The following SNAP25 variants were observed in gnomAD, a reference collection of about 807,000 sequenced individuals.
SNAP25 encodes synaptosome associated protein 25.
SNAP25 carries 3 observed loss-of-function variants against 28.7 expected under a neutral mutation model. The observed-to-expected ratio is 0.10, with a 90% CI of 0.05 to 0.27. The LOEUF (loss-of-function observed/expected upper bound fraction) is 0.27. SNAP25 is among the 10% of genes least tolerant of loss of function. The pLI is 1.00. For synonymous variants in SNAP25, 61 were observed against 88.1 expected (o/e 0.69, Z 1.72); for missense variants, 117 against 278.7 (o/e 0.42, Z 4.13).
At chr20:10,274,669 C>T (rs1255549735) in intron 1 of SNAP25, among the ~76,000 whole-genome samples, 3 of 151,998 alleles carry the variant, frequency 2.0e-5, no homozygotes, top group Non-Finnish European at 2.9e-5. Context: ...CAGTGAAACC[C>T]CGTCTCTACT....
chr20:10,298,378 A>G (rs2064160473), intron 6 of SNAP25, among the ~76,000 whole-genome samples: 1 of 152,228 alleles, frequency 6.6e-6, no homozygotes, highest in South Asian at 2.1e-4. Context: ...ATAATGAGCC[A>G]GTCTGCATTG....
chr20:10,265,405 G>T (rs901509969), intron 1 of SNAP25, among the ~76,000 whole-genome samples: 7 of 152,168 alleles, frequency 4.6e-5, no homozygotes, highest in East Asian at 1.9e-4. Context: ...AGAGGGAGAA[G>T]AATAATTTAT....
chr20:10,295,607 C>T (rs1600780860), intron 5 of SNAP25, among the ~76,000 whole-genome samples: 1 of 151,764 alleles, frequency 6.6e-6, no homozygotes, highest in African/African-American at 2.4e-5. Context: ...CCCCAGTCTG[C>T]AAGTATTAGA....
chr20:10,223,045 G>A (rs963089632), intron 1 of SNAP25, among the ~76,000 whole-genome samples: 19 of 152,116 alleles, frequency 1.2e-4, no homozygotes, highest in Admixed American at 5.9e-4. Flanking sequence ...GTGCACTGAC[G>A]GGAGGAATGA....
At position 10,228,521 on chromosome 20, in the gene SNAP25, A is replaced by G. The variant is rs147216582; in HGVS notation, c.-64+9544A>G. Reference sequence around the variant, plus strand: ...GGTGGTGTAAGTGACCAGAGAAACTATGTGTCCAAACAAGTTCATGGAGCA... The same window carrying G: ...GGTGGTGTAAGTGACCAGAGAAACTGTGTGTCCAAACAAGTTCATGGAGCA... On this transcript the variant is annotated intron_variant, in intron 1 of 7. Transcript: ENST00000254976. Among the ~76,000 whole-genome samples the G allele has an allele frequency of 5.9e-5, 9 of 152,318 alleles. No individual in the cohort carries two copies. The East Asian group carries it at 1.5e-3, about 26-fold the overall frequency.
chr20:10,291,554 C>A (rs1039794634), intron 4 of SNAP25, among the ~76,000 whole-genome samples: 2 of 152,174 alleles, frequency 1.3e-5, no homozygotes, highest in African/African-American at 4.8e-5. Flanking sequence ...GAACTGAATT[C>A]TGTTCTTTAG....
At chr20:10,255,599 G>C (rs1367684888) in intron 1 of SNAP25, among the ~76,000 whole-genome samples, 1 of 152,162 alleles carries the variant, frequency 6.6e-6, no homozygotes, top group Non-Finnish European at 1.5e-5. Flanking sequence ...AGTACAACTT[G>C]AGTACTAGAA....
At chr20:10,227,615 T>C (rs1417236595) in intron 1 of SNAP25, among the ~76,000 whole-genome samples, 2 of 152,142 alleles carry the variant, frequency 1.3e-5, no homozygotes, top group East Asian at 1.9e-4. Context: ...TATTCTAATC[T>C]GTTGTTTTAT....
Position 10,306,183 on chromosome 20 carries a change from C to T in SNAP25, c.607C>T (p.Leu203=), listed in dbSNP as rs767019302. 2 of 1,613,596 alleles carry T rather than the reference C, an allele frequency of 1.2e-6. No homozygotes were observed. The highest frequency in any genetic ancestry group is 3.3e-5 in the Admixed American group (2 of 59,900). Residue 203 remains leucine (L), a synonymous_variant, in exon 8 of 8, where the codon CTG becomes TTG. Transcript: ENST00000254976. ...DEANQRATKM[L]GSG ...GGCCAACCAACGTGCAACAAAGATG[C>T]TGGGAAGTGGTTAAGTGTGCCCACC...
intron 1 of SNAP25, among the ~76,000 whole-genome samples, chr20:10,227,953 C>T (rs918574436): frequency 3.9e-5 from 6 of 152,108 alleles, no homozygotes; most frequent in East Asian, 1.9e-4. Context: ...ATGTCAATTC[C>T]GCTTCCTTAA....
intron 3 of SNAP25, among the ~76,000 whole-genome samples, chr20:10,278,674 G>A (rs1352661669): frequency 6.6e-6 from 1 of 152,074 alleles, no homozygotes; most frequent in Non-Finnish European, 1.5e-5. Flanking sequence ...ATGATTAAAT[G>A]AGCCTACTCC....
intron 1 of SNAP25, among the ~76,000 whole-genome samples, chr20:10,260,190 G>T (rs1227569222): frequency 6.6e-6 from 1 of 152,106 alleles, no homozygotes; most frequent in African/African-American, 2.4e-5. Flanking sequence ...AATAGATGTA[G>T]TTAAAGTAGG....
chr20:10,272,582 T>A (rs879175114), intron 1 of SNAP25, among the ~76,000 whole-genome samples: 2 of 152,214 alleles, frequency 1.3e-5, no homozygotes, highest in Non-Finnish European at 2.9e-5. Flanking sequence ...TAGATCCTAA[T>A]TTGTAAAATG....
chr20:10,301,172 G>A (rs957811859), intron 7 of SNAP25, among the ~76,000 whole-genome samples: 2 of 152,134 alleles, frequency 1.3e-5, no homozygotes, highest in Non-Finnish European at 2.9e-5. Flanking sequence ...GTGGCATCTT[G>A]ATTCTGCCAC....
intron 1 of SNAP25, among the ~76,000 whole-genome samples, chr20:10,250,868 GTA>G (rs1555788446): frequency 2.0e-5 from 3 of 152,150 alleles, no homozygotes; most frequent in Non-Finnish European, 4.4e-5. Context: ...GTTACCCATA[GTA>G]TTCAGTACAG....
At chr20:10,264,481 G>T (rs545108703) in intron 1 of SNAP25, among the ~76,000 whole-genome samples, 20 of 152,284 alleles carry the variant, frequency 1.3e-4, no homozygotes, top group South Asian at 2.1e-4. Context: ...TGTCACTTGA[G>T]ATTGTTCTTC....
At chr20:10,239,574 C>T (rs193160876) in intron 1 of SNAP25, among the ~76,000 whole-genome samples, 11 of 152,236 alleles carry the variant, frequency 7.2e-5, no homozygotes, top group African/African-American at 2.4e-4. Flanking sequence ...ATTTCACATG[C>T]TCCCATGCAC....
chr20:10,228,121 A>G (rs906322498), intron 1 of SNAP25, among the ~76,000 whole-genome samples: 3 of 152,130 alleles, frequency 2.0e-5, no homozygotes, highest in Non-Finnish European at 2.9e-5. Context: ...AATTTTGCAT[A>G]TCTTTTTTCC....
intron 7 of SNAP25, 106 bp from the exon 8 acceptor site, chr20:10,306,023 G>A: frequency 1.1e-6 from 1 of 933,566 alleles, no homozygotes; most frequent in Non-Finnish European, 1.7e-6. Flanking sequence ...TGACCAAGGA[G>A]GTTTTAAGTG....
Sources: allele counts gnomAD v4.1 joint callset (sites outside exome capture counted in the v4.1 genomes callset), GRCh38; gene constraint gnomAD v4.1.1; transcripts MANE v1.5; gene names NCBI Gene and HGNC (gene_info 2026-07-23, HGNC 2026-07-21).